Variants in FAT2 observed in about 807,000 individuals in gnomAD.
FAT2 encodes the protein protocadherin Fat 2.
Under a neutral mutation model 295.3 loss-of-function variants are expected in FAT2, and 150 were observed. That is an observed-to-expected ratio of 0.51 (90% CI 0.44 to 0.58). FAT2 has a LOEUF of 0.58. Among genes scored for constraint, FAT2 ranks in the 20% least tolerant of loss-of-function variants. The pLI, the probability that FAT2 is intolerant of heterozygous loss-of-function variation, is 0.00. For missense variants in FAT2, 4,868 were observed against 5,442.7 expected, an observed-to-expected ratio of 0.89 and a Z score of 3.32; for synonymous variants, 2,026 against 2,150.3, an observed-to-expected ratio of 0.94 and a Z score of 1.60.
Position 151,544,210 on chromosome 5 carries a change from T to A in FAT2, c.6917A>T (p.Asp2306Val), listed in dbSNP as rs1248003899. 1.2e-6 allele frequency: 2 copies of A among 1,614,180 alleles called. No homozygotes were observed. Among genetic ancestry groups the A allele is most frequent in the Admixed American group, 3.3e-5 (2 of 60,030 alleles). ...ASDQDSGRNR[D>V]VSYQIVEDGS... is the part of the protein sequence containing the mutation. ...ATCCTCCACAATCTGATAAGAGACG[T>A]CACGGTTCCGCCCTGAGTCCTGGTC... Residue 2306 changes from aspartate (D) to valine (V), a missense_variant, in exon 10 of 24, where the codon GAC becomes GTC. Asp to Val is a radical substitution (Grantham distance 152). Coordinates refer to ENST00000261800, the MANE Select transcript of FAT2 (RefSeq NM_001447.3).
In FAT2 at chr5:151,534,545, T is replaced by C. The variant is rs756567215; in HGVS notation, c.9291A>G (p.Ala3097=). Residue 3097 remains alanine, a synonymous_variant, in exon 13 of 24, where the codon GCA becomes GCG. Transcript: ENST00000261800. ...ATDGGGRSCQ[A]DITLHVEDVN... ...CATCCTCCACATGGAGGGTGATGTC[T>C]GCCTGGCACGATCGGCCACCTCCAT... 19 of 1,614,032 alleles carry C rather than the reference T, an allele frequency of 1.2e-5. No homozygotes were observed. In the South Asian group the frequency reaches 1.4e-4, roughly 12 times the overall value.
intron 12 of FAT2, among the ~76,000 whole-genome samples, chr5:151,536,042 T>C (rs1304194876): frequency 6.6e-6 from 1 of 152,162 alleles, no homozygotes; most frequent in Non-Finnish European, 1.5e-5. Flanking sequence ...GTATTCTACT[T>C]TCATGAAGTA....
chr5:151,578,601 A>G (rs995127465), intron 1 of FAT2, among the ~76,000 whole-genome samples: 2 of 152,254 alleles, frequency 1.3e-5, no homozygotes, highest in African/African-American at 4.8e-5. Context: ...CATATGCTCC[A>G]GCAATCCCAC....
chr5:151,504,682 T>TAA lies in FAT2; in HGVS notation c.*881_*882dup, dbSNP rs754259107. 2.0e-5 allele frequency: 3 copies of TAA among 152,616 alleles called. No individual in the cohort carries two copies. The highest frequency in any genetic ancestry group is 4.4e-5 in the Non-Finnish European group (3 of 68,014). 9.5% of individuals were successfully genotyped at this position (152,616 alleles called of 1,614,324 possible). The stretch of plus-strand genomic sequence containing the variant: ...CCAGACAGCAAGGTCAAAAAGTGCC[T>TAA]AAGAATTTTTAAAATGAAGAATTAG... On this transcript the variant is annotated 3_prime_UTR_variant, in exon 24 of 24. Transcript: ENST00000261800.
At chr5:151,576,975 T>A (rs1758772125) in intron 1 of FAT2, among the ~76,000 whole-genome samples, 1 of 152,156 alleles carries the variant, frequency 6.6e-6, no homozygotes, top group East Asian at 1.9e-4. Flanking sequence ...CAATGGTAAG[T>A]ATTTGTGTAT....
At position 151,568,347 on chromosome 5, in the gene FAT2, G is replaced by A. The variant is rs2127649874; in HGVS notation, c.585C>T (p.Ala195=). The A allele has an allele frequency of 6.2e-7, 1 of 1,614,172 alleles. No homozygotes were observed. The highest frequency in any genetic ancestry group is 8.5e-7 in the Non-Finnish European group (1 of 1,180,022). Residue 195 remains alanine, a synonymous_variant, in exon 2 of 24, where the codon GCC becomes GCT. Transcript: ENST00000261800. ...YAFNTRSEMF[A]IHPTSGVVTV... ...TGACCACACCGCTGGTGGGATGGAT[G>A]GCAAACATCTCTGACCTTGTGTTAA...
chr5:151,513,004 A>G (rs72798330), intron 20 of FAT2, among the ~76,000 whole-genome samples: 25,277 of 152,230 alleles, frequency 0.17, 2,344 homozygotes, highest in Non-Finnish European at 0.2. Context: ...TCAACAGCTT[A>G]GCAGTTCTCA....
At position 151,545,956 on chromosome 5, in the gene FAT2, G is replaced by A. The variant is rs144779956; in HGVS notation, c.5171C>T (p.Ser1724Leu). The change falls in exon 10 of 24, where the codon TCG (serine) becomes TTG (leucine). Residue 1724 changes from serine to leucine, a missense_variant. Ser to Leu is a moderately radical substitution (Grantham distance 145). Coordinates refer to ENST00000261800, the MANE Select transcript of FAT2 (RefSeq NM_001447.3). ...GCCTCGGATTTTCAGCTGGTAAGACGAGATTTTCTCATGGTCCAATTTCTT... is the reference window on the plus strand; with the variant it reads ...GCCTCGGATTTTCAGCTGGTAAGACAAGATTTTCTCATGGTCCAATTTCTT... ...TQKKLDHEKISSYQLKIRGSN... is the reference protein window; with the variant it reads ...TQKKLDHEKILSYQLKIRGSN... The A allele has an allele frequency of 1.2e-5, 19 of 1,613,986 alleles. No individual in the cohort carries two copies. Among genetic ancestry groups the A allele is most frequent in the East Asian group, 6.7e-5 (3 of 44,894 alleles).
chr5:151,511,800 C>T (rs368852884), intron 21 of FAT2: 17 of 213,938 alleles, frequency 7.9e-5, no homozygotes, highest in African/African-American at 3.2e-4. Context: ...TAAATGTTTG[C>T]CTCTAGTGTT....
intron 1 of FAT2, among the ~76,000 whole-genome samples, chr5:151,569,843 A>G (rs1275064228): frequency 6.6e-6 from 1 of 152,230 alleles, no homozygotes; most frequent in African/African-American, 2.4e-5. Flanking sequence ...CCGCACATGC[A>G]GAGGCTGCAG....
At chr5:151,551,724 C>CCTG in intron 6 of FAT2, 118 bp from the exon 7 acceptor site, 1 of 990,496 alleles carries the variant, frequency 1.0e-6, no homozygotes, top group Non-Finnish European at 1.5e-6. Flanking sequence ...AGTACAAGAT[C>CCTG]TGAGTGACAG....
chr5:151,564,154 A>G (rs922727715), intron 2 of FAT2, among the ~76,000 whole-genome samples: 2 of 152,214 alleles, frequency 1.3e-5, no homozygotes, highest in African/African-American at 4.8e-5. Context: ...TCCCTCCACA[A>G]ATTGCTTACG....
rs768235873 is a variant in FAT2, at chr5:151,521,862, G to A, written c.10731C>T (p.His3577=). The A allele has an allele frequency of 4.3e-6, 7 of 1,614,098 alleles. No individual in the cohort carries two copies. In the East Asian group the frequency reaches 1.3e-4, roughly 31 times the overall value. Residue 3577 remains histidine, a synonymous_variant, in exon 19 of 24, where the codon CAC becomes CAT. Transcript: ENST00000261800. ...SLAEEETLGR[H]FSVGAPDGKI... is the part of the protein sequence containing the mutation. ...TGCCATCAGGCGCACCCACTGAGAA[G>A]TGCCTGCCCAGGGTCTCCTCTTCTG...
At position 151,566,948 on chromosome 5, in the gene FAT2, G is replaced by A; in HGVS notation, c.1984C>T (p.Pro662Ser). ...TTLNITVVKD[P>S]HFEVPVTCDK... ...CATGTTACAGGAACTTCAAAATGAGGGTCCTTCACCACAGTAATATTCAAA... is the reference window on the plus strand; with the variant it reads ...CATGTTACAGGAACTTCAAAATGAGAGTCCTTCACCACAGTAATATTCAAA... The change falls in exon 2 of 24, where the codon CCT becomes TCT. Residue 662 changes from proline to serine, a missense_variant. Pro to Ser is a moderately conservative substitution (Grantham distance 74). Transcript: ENST00000261800. 1 of 1,613,994 alleles carries A rather than the reference G, an allele frequency of 6.2e-7. No individual in the cohort carries two copies. Among genetic ancestry groups the A allele is most frequent in the Non-Finnish European group, 8.5e-7 (1 of 1,179,932 alleles).
intron 11 of FAT2, among the ~76,000 whole-genome samples, chr5:151,538,871 A>G (rs1425708706): frequency 6.6e-6 from 1 of 150,628 alleles, no homozygotes; most frequent in African/African-American, 2.4e-5. Context: ...TTTTTAGTAG[A>G]GACGGGGTTT....
intron 19 of FAT2, 49 bp downstream of exon 19, chr5:151,521,227 G>A: frequency 1.3e-6 from 2 of 1,536,758 alleles, no homozygotes; most frequent in Non-Finnish European, 1.8e-6. Flanking sequence ...GAGTCAGGCG[G>A]GCTGAGCCCA....
intron 6 of FAT2, among the ~76,000 whole-genome samples, chr5:151,552,866 A>T (rs1441317077): frequency 1.3e-5 from 2 of 152,182 alleles, no homozygotes; most frequent in Non-Finnish European, 2.9e-5. Flanking sequence ...AGGAAACACA[A>T]AGCATTTCTG....
chr5:151,538,023 G>A, intron 11 of FAT2, 77 bp from the exon 12 acceptor site: 1 of 1,340,674 alleles, frequency 7.5e-7, no homozygotes, highest in Non-Finnish European at 1.0e-6. Flanking sequence ...GTGACTGACT[G>A]AGGGAGGCAG....
intron 19 of FAT2, among the ~76,000 whole-genome samples, chr5:151,520,427 T>C (rs1443518525): frequency 1.3e-5 from 2 of 152,208 alleles, no homozygotes; most frequent in African/African-American, 4.8e-5. Flanking sequence ...ATATCTCAGT[T>C]CCAACTGCAG....
Sources: gnomAD v4.1 joint callset for allele counts (sites outside exome capture counted in the v4.1 genomes callset) on GRCh38, gnomAD v4.1.1 for gene constraint, MANE v1.5 for transcripts, NCBI Gene and HGNC (gene_info 2026-07-23, HGNC 2026-07-21) for gene names.